NSL1: variants seen among roughly 807,000 people sequenced by gnomAD.
NSL1 encodes the protein NSL1 component of MIS12 kinetochore complex.
A neutral mutation model predicts 25.4 loss-of-function variants in NSL1; 11 were observed. The ratio of observed to expected loss-of-function variants is 0.43; its 90% CI spans 0.27 to 0.72. The LOEUF (loss-of-function observed/expected upper bound fraction) is 0.72. Among genes scored for constraint, NSL1 ranks in the 30% least tolerant of loss-of-function variants. The probability of loss-of-function intolerance (pLI) is 0.19; values close to 1 mark genes in which losing one functional copy is unlikely to be tolerated. For missense variants in NSL1, 330 were observed against 342.7 expected (o/e 0.96, Z 0.29); for synonymous variants, 118 against 120.6 (o/e 0.98, Z 0.14).
intron 1 of NSL1, among the ~76,000 whole-genome samples, chr1:212,790,138 C>A (rs547966400): frequency 6.6e-6 from 1 of 152,068 alleles, no homozygotes; most frequent in Non-Finnish European, 1.5e-5. Flanking sequence ...CTCAGCCTCC[C>A]GAGTAGCTGG....
In NSL1 at chr1:212,732,415, C is replaced by T. The variant is rs1407418303; in HGVS notation, c.*5993G>A. ...GCAACCTCTGCCTCCTGGGTTCAAG[C>T]GATTCTCCAGCCTCAGCCTCCTGAG... On this transcript the variant is annotated 3_prime_UTR_variant, in exon 6 of 6. Coordinates refer to ENST00000366977, the MANE Select transcript of NSL1 (RefSeq NM_015471.4). 2.3e-6 allele frequency: 1 copy of T among 426,476 alleles called. No individual in the cohort carries two copies. The highest frequency in any genetic ancestry group is 3.1e-6 in the Non-Finnish European group (1 of 320,424). The allele number at this position is 426,476 out of a possible 1,614,324, so 26.4% of individuals were successfully genotyped here.
At chr1:212,755,607 G>A (rs894942757) in intron 4 of NSL1, among the ~76,000 whole-genome samples, 3 of 95,832 alleles carry the variant, frequency 3.1e-5, no homozygotes, top group Admixed American at 8.9e-5. Flanking sequence ...AAAAACCCCT[G>A]TGTCTACCTA....
chr1:212,785,294 G>T (rs897322257), intron 2 of NSL1, among the ~76,000 whole-genome samples: 13 of 152,090 alleles, frequency 8.5e-5, no homozygotes, highest in Non-Finnish European at 1.9e-4. Context: ...TTTTAAAACA[G>T]TGATTCTCAA....
In NSL1 at chr1:212,737,282, A is replaced by T; in HGVS notation, c.*1126T>A. The T allele has an allele frequency of 1.0e-6, 1 of 985,238 alleles. No homozygotes were observed. Among genetic ancestry groups the T allele is most frequent in the African/African-American group, 1.7e-5 (1 of 57,368 alleles). The allele number at this position is 985,238 out of a possible 1,614,324, so 61.0% of individuals were successfully genotyped here. A position where few individuals can be genotyped will look rare whatever the true frequency, so the allele number is the denominator to read the frequency against. On this transcript the variant is annotated 3_prime_UTR_variant, in exon 6 of 6. Coordinates refer to ENST00000366977, the MANE Select transcript of NSL1 (RefSeq NM_015471.4). ...GTGGCTTTATAAGTTTTCTTCACTG[A>T]GACAGACCTTCTGGTGACTTCTGGT...
chr1:212,778,590 G>A (rs1056468263), intron 4 of NSL1, among the ~76,000 whole-genome samples: 32 of 146,862 alleles, frequency 2.2e-4, no homozygotes, highest in African/African-American at 2.8e-4. Context: ...TGGTGGAGAC[G>A]GGGTTTCACT....
chr1:212,727,796 C>A lies in NSL1; in HGVS notation c.*10612G>T. On this transcript the variant is annotated 3_prime_UTR_variant, in exon 6 of 6. Transcript: ENST00000366977. The stretch of plus-strand genomic sequence containing the variant: ...ATAAATTGCTTTAAACAACTTTGAG[C>A]ACTTTCTTAGACACTAGTATTACAT... 1 of 984,136 alleles carries A rather than the reference C, an allele frequency of 1.0e-6. No homozygotes were observed. The highest frequency in any genetic ancestry group is 1.2e-6 in the Non-Finnish European group (1 of 828,756). 61.0% of individuals were successfully genotyped at this position (984,136 alleles called of 1,614,324 possible).
In NSL1 at chr1:212,739,812, A is replaced by C. The variant is rs529128893; in HGVS notation, c.500-211T>G. Among the ~76,000 whole-genome samples the C allele has an allele frequency of 9.2e-5, 14 of 152,352 alleles. No homozygotes were observed. In the East Asian group the frequency reaches 2.5e-3, roughly 27 times the overall value. On this transcript the variant is annotated intron_variant, in intron 4 of 5. Coordinates refer to ENST00000366977, the MANE Select transcript of NSL1 (RefSeq NM_015471.4). The stretch of plus-strand genomic sequence containing the variant: ...AGCATAAGATGGTACACAAAATTCT[A>C]TTACGAGTAGTCATAACACTGTGTG...
chr1:212,766,782 A>G (rs559772223), intron 4 of NSL1, among the ~76,000 whole-genome samples: 1 of 152,314 alleles, frequency 6.6e-6, no homozygotes, highest in African/African-American at 2.4e-5. Flanking sequence ...CACACCAACA[A>G]TGACCAAGCT....
rs1657817001 is a variant in NSL1, at chr1:212,726,995, C to CA, written c.*11412dup. 2.1e-6 allele frequency: 2 copies of CA among 940,092 alleles called. No homozygotes were observed. The highest frequency in any genetic ancestry group is 1.7e-5 in the African/African-American group (1 of 58,462). The allele number at this position is 940,092 out of a possible 1,614,324, so 58.2% of individuals were successfully genotyped here. On this transcript the variant is annotated 3_prime_UTR_variant, in exon 6 of 6. Transcript: ENST00000366977. ...AGTGTGCTTCCTGGCTGTGTCCTCT[C>CA]AGAGGCCCTCCAGTCCAGTCTACTC...
intron 4 of NSL1, among the ~76,000 whole-genome samples, chr1:212,777,069 A>C (rs1361422386): frequency 2.0e-5 from 3 of 151,694 alleles, no homozygotes; most frequent in East Asian, 1.9e-4. Context: ...CTAAAAAAAA[A>C]AAAACAAAAA....
Position 212,728,014 on chromosome 1 carries a change from CA to C in NSL1, c.*10393del. The C allele has an allele frequency of 1.0e-6, 1 of 985,394 alleles. No homozygotes were observed. The allele number at this position is 985,394 out of a possible 1,614,324, so 61.0% of individuals were successfully genotyped here. A position where few individuals can be genotyped will look rare whatever the true frequency, so the allele number is the denominator to read the frequency against. On this transcript the variant is annotated 3_prime_UTR_variant, in exon 6 of 6. Transcript: ENST00000366977. Reference sequence around the variant, plus strand: ...AGAAGGTGGAAGCAGAGTTTGTGGTCAGAAGGCCTCGCTCTGCTCTACATGG... The same window carrying C: ...AGAAGGTGGAAGCAGAGTTTGTGGTCGAAGGCCTCGCTCTGCTCTACATGG...
At position 212,736,508 on chromosome 1, in the gene NSL1, C is replaced by T. The variant is rs1261595229; in HGVS notation, c.*1900G>A. ...TGCAGAAATGCAACTTCTCCTCTTA[C>T]ACAGTATACTTATTCAATATTATTA... On this transcript the variant is annotated 3_prime_UTR_variant, in exon 6 of 6. Transcript: ENST00000366977. The T allele has an allele frequency of 2.0e-6, 2 of 984,958 alleles. No individual in the cohort carries two copies. Among genetic ancestry groups the T allele is most frequent in the Admixed American group, 6.1e-5 (1 of 16,266 alleles). The allele number at this position is 984,958 out of a possible 1,614,324, so 61.0% of individuals were successfully genotyped here.
At chr1:212,770,637 T>C (rs1660058667) in intron 4 of NSL1, among the ~76,000 whole-genome samples, 1 of 152,216 alleles carries the variant, frequency 6.6e-6, no homozygotes, top group Non-Finnish European at 1.5e-5. Flanking sequence ...TTAACATCAA[T>C]TCTTTTCAAA....
At chr1:212,778,633 G>A (rs1291808124) in intron 4 of NSL1, among the ~76,000 whole-genome samples, 3 of 151,932 alleles carry the variant, frequency 2.0e-5, no homozygotes, top group Admixed American at 6.5e-5. Flanking sequence ...GCTCCTAACC[G>A]CGAGTGATCT....
At chr1:212,748,554 G>A (rs899450207) in intron 4 of NSL1, among the ~76,000 whole-genome samples, 6 of 152,142 alleles carry the variant, frequency 3.9e-5, no homozygotes, top group African/African-American at 7.2e-5. Flanking sequence ...CATTCAAAAC[G>A]TGGATGAATC....
In NSL1 at chr1:212,788,282, A is replaced by G. The variant is rs568075872; in HGVS notation, c.235-645T>C. Among the ~76,000 whole-genome samples the G allele has an allele frequency of 2.6e-5, 4 of 152,322 alleles. No homozygotes were observed. The South Asian group carries it at 8.3e-4, about 32-fold the overall frequency. ...TTAAAAATTAGCCAGGCACAGTGGC[A>G]CATGCCTGTAGTCCCGGCTACTTGA... On this transcript the variant is annotated intron_variant, in intron 1 of 5. Transcript: ENST00000366977.
intron 4 of NSL1, among the ~76,000 whole-genome samples, chr1:212,743,868 G>C (rs1375515020): frequency 6.6e-6 from 1 of 152,128 alleles, no homozygotes; most frequent in Non-Finnish European, 1.5e-5. Context: ...GTAATTCCCA[G>C]AGTGGGTTAC....
In NSL1 at chr1:212,778,521, G is replaced by A. The variant is rs1364113034; in HGVS notation, c.499+3851C>T. Among the ~76,000 whole-genome samples the A allele has an allele frequency of 2.0e-5, 3 of 152,340 alleles. 1 individual carries two copies. The highest frequency in any genetic ancestry group is 4.1e-4 in the South Asian group (2 of 4,824). On this transcript the variant is annotated intron_variant, in intron 4 of 5. Transcript: ENST00000366977. Reference sequence around the variant, plus strand: ...CTGCCTGATTCTCCTGCCTCAGCCTGCTGAGTGCCTGCGATTGCAGGCGCG... The same window carrying A: ...CTGCCTGATTCTCCTGCCTCAGCCTACTGAGTGCCTGCGATTGCAGGCGCG...
At chr1:212,779,840 A>G (rs1660625699) in intron 4 of NSL1, among the ~76,000 whole-genome samples, 1 of 139,650 alleles carries the variant, frequency 7.2e-6, no homozygotes, top group Non-Finnish European at 1.6e-5. Flanking sequence ...TGGGGGGGTC[A>G]GCCCCCCGCC....
Sources: gnomAD v4.1 joint callset for allele counts (sites outside exome capture counted in the v4.1 genomes callset) on GRCh38, gnomAD v4.1.1 for gene constraint, MANE v1.5 for transcripts, NCBI Gene and HGNC (gene_info 2026-07-23, HGNC 2026-07-21) for gene names.